MACROD2: variants seen among roughly 807,000 people sequenced by gnomAD.
MACROD2 encodes mono-ADP ribosylhydrolase 2.
Under a neutral mutation model 70.4 loss-of-function variants are expected in MACROD2, and 36 were observed. The observed-to-expected ratio is 0.51, with a 90% confidence interval of 0.39 to 0.68. The LOEUF (loss-of-function observed/expected upper bound fraction) is 0.68, where lower values mean the gene tolerates loss of function less well. Among genes scored for constraint, MACROD2 ranks in the 30% least tolerant of loss-of-function variants. The pLI is 0.00. For missense variants in MACROD2, 496 were observed against 538.4 expected (o/e 0.92, Z 0.78); for synonymous variants, 172 against 178.8 (o/e 0.96, Z 0.30).
chr20:15,797,602 C>T lies in MACROD2; in HGVS notation c.646-65143C>T, dbSNP rs115466466. Among the ~76,000 whole-genome samples the T allele has an allele frequency of 2.6e-3, 392 of 152,302 alleles. 1 individual carries two copies. The highest frequency in any genetic ancestry group is 9.1e-3 in the African/African-American group (378 of 41,570). ...CTTCCTTATATCTCATGGGCTAAAACTGTCATGTAGCCACGCATAGCTACA... is the reference window on the plus strand; with the variant it reads ...CTTCCTTATATCTCATGGGCTAAAATTGTCATGTAGCCACGCATAGCTACA... On this transcript the variant is annotated intron_variant, in intron 8 of 17. Transcript: ENST00000684519.
chr20:15,805,279 CA>C (rs896603537), intron 8 of MACROD2, among the ~76,000 whole-genome samples: 60 of 152,126 alleles, frequency 3.9e-4, no homozygotes, highest in African/African-American at 1.3e-3. Flanking sequence ...GGCTTCTGAA[CA>C]AGAGAAGGGC....
intron 3 of MACROD2, among the ~76,000 whole-genome samples, chr20:14,473,123 A>C (rs562352080): frequency 6.6e-6 from 1 of 152,338 alleles, no homozygotes; most frequent in East Asian, 1.9e-4. Context: ...GATCAACCTC[A>C]AATATTTATT....
At chr20:15,578,998 G>C (rs1318254215) in intron 8 of MACROD2, among the ~76,000 whole-genome samples, 2 of 152,180 alleles carry the variant, frequency 1.3e-5, no homozygotes, top group Non-Finnish European at 2.9e-5. Flanking sequence ...GGAAAATTGA[G>C]TTGAAAATAA....
chr20:14,542,638 G>A (rs2123237178), intron 4 of MACROD2, among the ~76,000 whole-genome samples: 1 of 152,226 alleles, frequency 6.6e-6, no homozygotes, highest in Middle Eastern at 3.4e-3. Context: ...ATTTTTCTGT[G>A]TCTGAAAATC....
rs546899806 is a variant in MACROD2, at chr20:14,556,785, G to A, written c.301+63277G>A. 1.1e-4 allele frequency among the ~76,000 whole-genome samples: 16 copies of A among 152,102 alleles called. No individual in the cohort carries two copies. In the South Asian group the frequency reaches 3.3e-3, roughly 32 times the overall value. ...ATATGATCAAGTCACCCAAAGGAAA[G>A]TAAGAGAAACAGAGGAAACAAAGAG... is the stretch of plus-strand genomic sequence containing the variant. On this transcript the variant is annotated intron_variant, in intron 4 of 17. Transcript: ENST00000684519.
chr20:14,220,283 G>A (rs1332773659), intron 3 of MACROD2, among the ~76,000 whole-genome samples: 1 of 152,038 alleles, frequency 6.6e-6, no homozygotes, highest in African/African-American at 2.4e-5. Context: ...TGTCTCTGCT[G>A]AGTCATGCAG....
At chr20:15,148,806 T>C (rs1209507176) in intron 5 of MACROD2, among the ~76,000 whole-genome samples, 3 of 151,918 alleles carry the variant, frequency 2.0e-5, no homozygotes, top group Non-Finnish European at 4.4e-5. Context: ...CTGAGCTTGG[T>C]GAGGTGTGTT....
chr20:14,392,916 T>C (rs928692028), intron 3 of MACROD2, among the ~76,000 whole-genome samples: 2 of 152,112 alleles, frequency 1.3e-5, no homozygotes, highest in Admixed American at 1.3e-4. Context: ...AGCATTTCCA[T>C]AGTTAACCTC....
At chr20:14,581,665 A>G (rs1211069205) in intron 4 of MACROD2, among the ~76,000 whole-genome samples, 1 of 152,202 alleles carries the variant, frequency 6.6e-6, no homozygotes, top group Non-Finnish European at 1.5e-5. Flanking sequence ...GACAGAGTGC[A>G]TTTTAATATG....
chr20:15,142,256 A>C (rs2076197274), intron 5 of MACROD2, among the ~76,000 whole-genome samples: 1 of 152,184 alleles, frequency 6.6e-6, no homozygotes, highest in South Asian at 2.1e-4. Context: ...CCAAGCTAAA[A>C]AATGTTGCTA....
intron 5 of MACROD2, among the ~76,000 whole-genome samples, chr20:14,978,662 A>G (rs113215471): frequency 7.4e-6 from 1 of 135,392 alleles, no homozygotes; most frequent in Non-Finnish European, 1.6e-5. Context: ...AGGAGGAGAC[A>G]ATGATCCCTG....
chr20:15,591,111 T>C (rs2048673556), intron 8 of MACROD2, among the ~76,000 whole-genome samples: 1 of 152,224 alleles, frequency 6.6e-6, no homozygotes, highest in Non-Finnish European at 1.5e-5. Context: ...GGAGGATTGA[T>C]GGTCTTCATG....
intron 3 of MACROD2, among the ~76,000 whole-genome samples, chr20:14,288,097 A>G (rs1045963660): frequency 5.9e-5 from 9 of 151,994 alleles, no homozygotes; most frequent in African/African-American, 1.9e-4. Flanking sequence ...AATCAGGGGC[A>G]TTACCTTAGA....
intron 4 of MACROD2, among the ~76,000 whole-genome samples, chr20:14,578,806 T>A (rs1263769284): frequency 6.6e-6 from 1 of 152,214 alleles, no homozygotes; most frequent in Non-Finnish European, 1.5e-5. Flanking sequence ...GATAATTCAC[T>A]GTAGATGGAT....
intron 8 of MACROD2, among the ~76,000 whole-genome samples, chr20:15,528,899 C>T (rs1404717440): frequency 6.6e-6 from 1 of 152,194 alleles, no homozygotes; most frequent in Non-Finnish European, 1.5e-5. Context: ...ATACAGCATT[C>T]TCTCTTCTCT....
intron 13 of MACROD2, among the ~76,000 whole-genome samples, chr20:15,973,357 G>T (rs191165469): frequency 3.9e-5 from 6 of 152,226 alleles, no homozygotes; most frequent in Admixed American, 2.0e-4. Flanking sequence ...AGGAAGAGTT[G>T]CACATTAGCC....
intron 6 of MACROD2, among the ~76,000 whole-genome samples, chr20:15,233,367 CTGAAAGGAGA>C (rs2076975906): frequency 6.6e-6 from 1 of 151,834 alleles, no homozygotes; most frequent in African/African-American, 2.4e-5. Context: ...GGAGAAAGGT[CTGAAAGGAGA>C]TGGAGAAAAA....
At chr20:15,827,197 G>A (rs893104891) in intron 8 of MACROD2, among the ~76,000 whole-genome samples, 1 of 152,154 alleles carries the variant, frequency 6.6e-6, no homozygotes, top group Non-Finnish European at 1.5e-5. Context: ...TAGTACTTCA[G>A]TGAATGTCAC....
In MACROD2 at chr20:15,957,840, C is replaced by T. The variant is rs78539521; in HGVS notation, c.908-9713C>T. Among the ~76,000 whole-genome samples, 938 of 152,234 alleles carry T rather than the reference C, an allele frequency of 6.2e-3. 9 individuals carry two copies. The highest frequency in any genetic ancestry group is 0.021 in the African/African-American group (863 of 41,532). On this transcript the variant is annotated intron_variant, in intron 12 of 17. Transcript: ENST00000684519. ...ATCTGATTGCATGAGTTTTCCTCTC[C>T]AGTGATGTAGGGAGCAGTGGGGTGG...
Sources: allele counts gnomAD v4.1 joint callset (sites outside exome capture counted in the v4.1 genomes callset), GRCh38; gene constraint gnomAD v4.1.1; transcripts MANE v1.5; gene names NCBI Gene and HGNC (gene_info 2026-07-23, HGNC 2026-07-21).